The following RALGPS1 variants were observed in gnomAD, a reference collection of about 807,000 sequenced individuals.
The protein encoded by RALGPS1 is ras-specific guanine nucleotide-releasing factor RalGPS1.
In RALGPS1, 19 loss-of-function variants were observed where a neutral mutation model predicts 78.8. The ratio of observed to expected loss-of-function variants is 0.24; its 90% CI spans 0.17 to 0.35. The LOEUF (loss-of-function observed/expected upper bound fraction) is 0.35. Among genes scored for constraint, RALGPS1 ranks in the 10% least tolerant of loss-of-function variants. RALGPS1 has a pLI of 1.00. For synonymous variants in RALGPS1, 228 were observed against 256.3 expected (o/e 0.89, Z 1.06); for missense variants, 454 against 688.3 (o/e 0.66, Z 3.81).
At chr9:127,094,633 G>A (rs2052894647) in intron 8 of RALGPS1, among the ~76,000 whole-genome samples, 1 of 152,220 alleles carries the variant, frequency 6.6e-6, no homozygotes, top group African/African-American at 2.4e-5. Context: ...GTTTTTAGGG[G>A]GCCAGGTTCC....
intron 8 of RALGPS1, among the ~76,000 whole-genome samples, chr9:127,142,743 C>G (rs1343888626): frequency 6.6e-6 from 1 of 152,178 alleles, no homozygotes; most frequent in Admixed American, 6.5e-5. Flanking sequence ...GAGGAAACCA[C>G]TGTTCTTTGA....
intron 11 of RALGPS1, among the ~76,000 whole-genome samples, chr9:127,182,381 C>CCTCT (rs1305556605): frequency 2.6e-4 from 11 of 42,640 alleles, no homozygotes; most frequent in Admixed American, 1.9e-3. Flanking sequence ...TCCCTCCCTC[C>CCTCT]CTCCCTCCCT....
rs1462354190 is a variant in RALGPS1 at position 126,993,117 on chromosome 9, A to G, written c.216+15372A>G. Among the ~76,000 whole-genome samples, 4 of 152,226 alleles carry G rather than the reference A, an allele frequency of 2.6e-5. No individual in the cohort carries two copies. The East Asian group carries it at 7.7e-4, about 29-fold the overall frequency. The stretch of plus-strand genomic sequence containing the variant: ...GAGTTTTATCAAATGCTTTTCCTGC[A>G]TCTATTGACATAATCATATGGTTTT... On this transcript the variant is annotated intron_variant, in intron 4 of 18. Transcript: ENST00000259351.
intron 10 of RALGPS1, 38 bp downstream of exon 10, chr9:127,168,810 C>A: frequency 6.5e-7 from 1 of 1,535,918 alleles, no homozygotes; most frequent in Non-Finnish European, 9.0e-7. Context: ...GCCTCCCAGC[C>A]CCACTTTTGT....
At chr9:127,078,158 T>C (rs2050843443) in intron 8 of RALGPS1, among the ~76,000 whole-genome samples, 2 of 152,202 alleles carry the variant, frequency 1.3e-5, no homozygotes, top group Non-Finnish European at 2.9e-5. Flanking sequence ...GTCAACAGAA[T>C]GATCTCAAAG....
rs1393447496 is a variant in RALGPS1, at chr9:127,067,306, T to G, written c.484-1924T>G. 2.6e-5 allele frequency among the ~76,000 whole-genome samples: 4 copies of G among 152,234 alleles called. No individual in the cohort carries two copies. The East Asian group carries it at 7.7e-4, about 29-fold the overall frequency. ...CTAGTGGGAAAAGAAAAGTTCACTTTTATTCTTCAACTTCTTCAGCACCAG... is the reference window on the plus strand; with the variant it reads ...CTAGTGGGAAAAGAAAAGTTCACTTGTATTCTTCAACTTCTTCAGCACCAG... On this transcript the variant is annotated intron_variant, in intron 7 of 18. Transcript: ENST00000259351.
rs1006523494 is a variant in RALGPS1, at chr9:127,166,049, A to G, written c.611-20A>G. On this transcript the variant is annotated intron_variant, in intron 8 of 18. Coordinates refer to ENST00000259351, the MANE Select transcript of RALGPS1 (RefSeq NM_014636.3). ...TTGTGGTAAGCTCCTTCCATCATGAAATATCTTCTTTAATTTTAGGAATCT... is the reference window on the plus strand; with the variant it reads ...TTGTGGTAAGCTCCTTCCATCATGAGATATCTTCTTTAATTTTAGGAATCT... 5.0e-6 allele frequency: 8 copies of G among 1,594,502 alleles called. No homozygotes were observed. The African/African-American group carries it at 1.1e-4, about 22-fold the overall frequency.
At chr9:126,982,925 CTTCTTTTTTTTTTTT>C (rs2041438292) in intron 4 of RALGPS1, among the ~76,000 whole-genome samples, 4 of 54,574 alleles carry the variant, frequency 7.3e-5, no homozygotes, top group South Asian at 2.4e-3. Context: ...TCTTCTTCTT[CTTCTTTTTTTTTTTT>C]TTTTTTTTTT....
At chr9:126,947,865 A>G (rs1235911597) in intron 1 of RALGPS1, among the ~76,000 whole-genome samples, 1 of 152,188 alleles carries the variant, frequency 6.6e-6, no homozygotes, top group South Asian at 2.1e-4. Flanking sequence ...CTATTACTCA[A>G]ATATATGTAG....
rs114556762 is a variant in RALGPS1 at position 127,122,340 on chromosome 9, G to A, written c.611-43729G>A. The A allele has an allele frequency of 3.9e-5, 6 of 152,388 alleles. No individual in the cohort carries two copies. The highest frequency in any genetic ancestry group is 2.1e-4 in the South Asian group (1 of 4,828). The allele number at this position is 152,388 out of a possible 1,614,324, so 9.4% of individuals were successfully genotyped here. On this transcript the variant is annotated intron_variant, in intron 8 of 18. Transcript: ENST00000259351. This position sits in a 1 kb window ranked among gnomAD's most constrained non-coding sequence, Gnocchi z 6.4. Reference sequence around the variant, plus strand: ...CTCTTCCCTCCTGCTTGGCTCCGGGGCGGCTCCTCACATGCTTCACCCTGG... The same window carrying A: ...CTCTTCCCTCCTGCTTGGCTCCGGGACGGCTCCTCACATGCTTCACCCTGG...
chr9:127,094,144 T>G (rs2052834223), intron 8 of RALGPS1, among the ~76,000 whole-genome samples: 1 of 152,106 alleles, frequency 6.6e-6, no homozygotes, highest in African/African-American at 2.4e-5. Context: ...CAAGCTCACT[T>G]TCTCCTCTCA....
intron 1 of RALGPS1, among the ~76,000 whole-genome samples, chr9:126,929,465 T>C (rs1451475932): frequency 6.6e-6 from 1 of 152,224 alleles, no homozygotes; most frequent in Non-Finnish European, 1.5e-5. Context: ...TTTTTTTATT[T>C]TTTGAGACGG....
intron 10 of RALGPS1, among the ~76,000 whole-genome samples, chr9:127,173,611 C>G (rs1158240027): frequency 6.6e-6 from 1 of 152,102 alleles, no homozygotes; most frequent in Non-Finnish European, 1.5e-5. Flanking sequence ...AGTTCCTATT[C>G]GGTGCTTCAA....
chr9:127,070,007 A>T (rs562298168), intron 8 of RALGPS1: 128 of 152,302 alleles, frequency 8.4e-4, no homozygotes, highest in African/African-American at 3.1e-3. Context: ...TCCAATATTG[A>T]CCATTTAAGG....
chr9:127,151,688 G>C (rs998741267), intron 8 of RALGPS1, among the ~76,000 whole-genome samples: 7 of 152,062 alleles, frequency 4.6e-5, no homozygotes, highest in African/African-American at 1.7e-4. Context: ...TTTAATTCAA[G>C]TGTTTAGCCA....
intron 4 of RALGPS1, among the ~76,000 whole-genome samples, chr9:126,982,856 T>TCCA (rs1250037639): frequency 6.8e-6 from 1 of 146,312 alleles, no homozygotes; most frequent in Admixed American, 6.8e-5. Context: ...TTCTTCCTCC[T>TCCA]CCTTCTTCTT....
At chr9:126,916,063 G>C (rs2034125853) in intron 1 of RALGPS1, among the ~76,000 whole-genome samples, 1 of 152,308 alleles carries the variant, frequency 6.6e-6, no homozygotes, top group Admixed American at 6.5e-5. Context: ...TGCCTCCCAG[G>C]GGCCTGGTGA....
chr9:126,981,001 T>C (rs1407450182), intron 4 of RALGPS1, among the ~76,000 whole-genome samples: 1 of 152,208 alleles, frequency 6.6e-6, no homozygotes, highest in Non-Finnish European at 1.5e-5. Flanking sequence ...TCTGGGGTTG[T>C]CCTGGAAGAC....
chr9:127,002,139 A>G (rs1241538823), intron 4 of RALGPS1, among the ~76,000 whole-genome samples: 1 of 152,194 alleles, frequency 6.6e-6, no homozygotes, highest in Non-Finnish European at 1.5e-5. Context: ...CAAGTCATCA[A>G]CTATGTACAA....
Sources: gnomAD v4.1 joint callset for allele counts (sites outside exome capture counted in the v4.1 genomes callset) on GRCh38, gnomAD v4.1.1 for gene constraint, Gnocchi (gnomAD v3.1) non-coding constraint, MANE v1.5 for transcripts, NCBI Gene and HGNC (gene_info 2026-07-23, HGNC 2026-07-21) for gene names.